The following APBB2 variants were observed in gnomAD, a reference collection of about 807,000 sequenced individuals.
APBB2 encodes the protein Fe65-like 1.
APBB2 carries 38 observed loss-of-function variants against 82.5 expected under a neutral mutation model. The ratio of observed to expected loss-of-function variants is 0.46; its 90% CI spans 0.36 to 0.60. The LOEUF is 0.60. Among genes scored for constraint, APBB2 ranks in the 20% least tolerant of loss-of-function variants. The probability of loss-of-function intolerance (pLI) is 0.00; values close to 1 mark genes in which losing one functional copy is unlikely to be tolerated. For missense variants in APBB2, 772 were observed against 972.3 expected (o/e 0.79, Z 2.74); for synonymous variants, 341 against 368.2 (o/e 0.93, Z 0.85).
intron 12 of APBB2, among the ~76,000 whole-genome samples, chr4:40,837,166 G>A (rs777392972): frequency 2.6e-5 from 4 of 152,338 alleles, no homozygotes; most frequent in African/African-American, 9.6e-5. Context: ...AGCTCAGGCC[G>A]AGCATGTGGG....
intron 2 of APBB2, among the ~76,000 whole-genome samples, chr4:41,107,604 G>C (rs1415747639): frequency 1.3e-5 from 2 of 152,160 alleles, no homozygotes; most frequent in South Asian, 2.1e-4. Flanking sequence ...AAGAGAAAAG[G>C]CATCTTTACA....
intron 3 of APBB2, among the ~76,000 whole-genome samples, chr4:41,094,242 C>T (rs1742744702): frequency 1.3e-5 from 2 of 152,164 alleles, no homozygotes; most frequent in African/African-American, 4.8e-5. Flanking sequence ...TCAAAAATAT[C>T]ATTTATGACA....
At chr4:40,896,157 T>C (rs1361885572) in intron 10 of APBB2, among the ~76,000 whole-genome samples, 5 of 152,126 alleles carry the variant, frequency 3.3e-5, no homozygotes, top group African/African-American at 4.8e-5. Context: ...CTCCACCTTC[T>C]GGGTTCAAGT....
intron 13 of APBB2, among the ~76,000 whole-genome samples, chr4:40,827,636 A>G (rs752741129): frequency 6.6e-6 from 1 of 152,054 alleles, no homozygotes; most frequent in Non-Finnish European, 1.5e-5. Context: ...TTCAAACTGC[A>G]CCTCTGCCAC....
intron 10 of APBB2, among the ~76,000 whole-genome samples, chr4:40,927,638 C>T (rs539381458): frequency 6.6e-6 from 1 of 152,180 alleles, no homozygotes; most frequent in African/African-American, 2.4e-5. Context: ...CATGCCACCA[C>T]GTTAGGCTAA....
intron 2 of APBB2, among the ~76,000 whole-genome samples, chr4:41,104,345 C>A (rs370647919): frequency 8.5e-5 from 13 of 152,178 alleles, no homozygotes; most frequent in East Asian, 7.7e-4. Flanking sequence ...ACACTGATAT[C>A]ACATTAAGAA....
rs144792769 is a variant in APBB2, at chr4:41,160,027, A to G, written c.-416-16885T>C. On this transcript the variant is annotated intron_variant, in intron 1 of 17. Coordinates refer to ENST00000508593, the MANE Select transcript of APBB2 (RefSeq NM_004307.2). ...GAAGAAGAAGAAGAAGAAGAAGAAG[A>G]AGAAGAAGAAAACATCACAGGATGC... 5.2e-4 allele frequency among the ~76,000 whole-genome samples: 76 copies of G among 147,454 alleles called. No homozygotes were observed. The East Asian group carries it at 0.012, about 23-fold the overall frequency.
intron 12 of APBB2, among the ~76,000 whole-genome samples, chr4:40,861,032 G>T (rs1231164419): frequency 6.6e-6 from 1 of 152,136 alleles, no homozygotes; most frequent in Non-Finnish European, 1.5e-5. Flanking sequence ...GGGCAATATA[G>T]CGAGACCCCC....
intron 10 of APBB2, among the ~76,000 whole-genome samples, chr4:40,929,545 C>T (rs149870491): frequency 2.0e-5 from 3 of 152,280 alleles, no homozygotes; most frequent in East Asian, 1.9e-4. Flanking sequence ...GTGATCCACC[C>T]GCCGTGGCCT....
intron 7 of APBB2, among the ~76,000 whole-genome samples, chr4:40,939,469 T>C (rs1786279132): frequency 6.6e-6 from 1 of 152,206 alleles, no homozygotes; most frequent in Admixed American, 6.5e-5. Flanking sequence ...ACGAATCATG[T>C]CTCTCAATGC....
At chr4:40,991,749 T>C (rs964751405) in intron 6 of APBB2, among the ~76,000 whole-genome samples, 46 of 152,158 alleles carry the variant, frequency 3.0e-4, no homozygotes, top group African/African-American at 1.1e-3. Context: ...GGGTAGTTCT[T>C]CCATAATTCA....
chr4:40,933,800 T>C (rs905255065), intron 10 of APBB2, among the ~76,000 whole-genome samples: 4 of 152,208 alleles, frequency 2.6e-5, no homozygotes, highest in African/African-American at 9.7e-5. Context: ...ACTTGACTTA[T>C]AAGATACAAA....
intron 4 of APBB2, among the ~76,000 whole-genome samples, chr4:41,034,478 C>A (rs1027225620): frequency 6.6e-6 from 1 of 152,160 alleles, no homozygotes; most frequent in Non-Finnish European, 1.5e-5. Context: ...GCGCGCATCA[C>A]CACGCCCAAC....
At chr4:41,043,665 T>G (rs1444900362) in intron 4 of APBB2, among the ~76,000 whole-genome samples, 1 of 152,178 alleles carries the variant, frequency 6.6e-6, no homozygotes, top group Non-Finnish European at 1.5e-5. Context: ...TGCCCTTCCC[T>G]TCCTCCAAAG....
At chr4:41,150,612 G>T (rs10010572) in intron 1 of APBB2, among the ~76,000 whole-genome samples, 17,424 of 152,182 alleles carry the variant, frequency 0.11, 1,239 homozygotes, top group African/African-American at 0.2. Flanking sequence ...GCAACAGAAA[G>T]AATTCCCGAA....
At chr4:40,825,784 G>T in intron 15 of APBB2, 103 bp downstream of exon 15, 1 of 830,776 alleles carries the variant, frequency 1.2e-6, no homozygotes, top group East Asian at 2.5e-5. Context: ...TTCAAGACAA[G>T]GCGTGAGAGT....
At chr4:40,970,430 T>C (rs1028193238) in intron 6 of APBB2, among the ~76,000 whole-genome samples, 2 of 152,124 alleles carry the variant, frequency 1.3e-5, no homozygotes. Context: ...TTTCCAAGCA[T>C]TGATTTTAGA....
chr4:41,000,877 C>G (rs1489775786), intron 6 of APBB2, among the ~76,000 whole-genome samples: 1 of 151,698 alleles, frequency 6.6e-6, no homozygotes, highest in Non-Finnish European at 1.5e-5. Context: ...AAAAAGGAGA[C>G]AGAGAGAGAG....
At chr4:40,892,051 A>G (rs1772194369) in intron 11 of APBB2, among the ~76,000 whole-genome samples, 1 of 151,792 alleles carries the variant, frequency 6.6e-6, no homozygotes, top group African/African-American at 2.4e-5. Context: ...CCCAGGTTCA[A>G]GTGATTCTCC....
Sources: allele counts gnomAD v4.1 joint callset (sites outside exome capture counted in the v4.1 genomes callset), GRCh38; gene constraint gnomAD v4.1.1; transcripts MANE v1.5; gene names NCBI Gene and HGNC (gene_info 2026-07-23, HGNC 2026-07-21).